MIA2: variants seen among roughly 807,000 people sequenced by gnomAD.
MIA2 encodes the protein MIA SH3 domain ER export factor 2.
In MIA2, 127 loss-of-function variants were observed where a neutral mutation model predicts 167.8. The ratio of observed to expected loss-of-function variants is 0.76; its 90% CI spans 0.66 to 0.88. The LOEUF is 0.88. MIA2 is among the 40% of genes least tolerant of loss of function. The pLI is 0.00. For missense variants in MIA2, 1,690 were observed against 1,624.7 expected, an observed-to-expected ratio of 1.04 and a Z score of -0.69; for synonymous variants, 552 against 541.9, an observed-to-expected ratio of 1.02 and a Z score of -0.26.
chr14:39,364,918 G>T (rs953829067), intron 23 of MIA2, among the ~76,000 whole-genome samples: 4 of 151,926 alleles, frequency 2.6e-5, no homozygotes, highest in African/African-American at 7.3e-5. Context: ...ACTATAATGT[G>T]CTGTGGAGAA....
intron 23 of MIA2, among the ~76,000 whole-genome samples, chr14:39,372,607 A>T (rs2074970331): frequency 6.6e-6 from 1 of 152,230 alleles, no homozygotes; most frequent in Admixed American, 6.5e-5. Context: ...AGTTGAGAAG[A>T]GGAATCTAAG....
At chr14:39,361,937 A>G (rs975493620) in intron 23 of MIA2, among the ~76,000 whole-genome samples, 4 of 152,114 alleles carry the variant, frequency 2.6e-5, no homozygotes, top group Middle Eastern at 3.2e-3. Context: ...ATCTTCGTCT[A>G]TTGAGATGAT....
At chr14:39,246,623 C>T (rs1322114537) in intron 3 of MIA2, among the ~76,000 whole-genome samples, 1 of 152,042 alleles carries the variant, frequency 6.6e-6, no homozygotes, top group East Asian at 1.9e-4. Context: ...TTGTTTGAAT[C>T]CTGGAGTTCA....
At chr14:39,294,793 A>G in intron 12 of MIA2, 132 bp from the exon 13 acceptor site, 1 of 678,186 alleles carries the variant, frequency 1.5e-6, no homozygotes, top group Admixed American at 2.4e-5. Flanking sequence ...TTTCTGCTAC[A>G]CCATGCTGCC....
intron 6 of MIA2, among the ~76,000 whole-genome samples, chr14:39,270,137 T>A (rs1285972025): frequency 6.6e-6 from 1 of 152,096 alleles, no homozygotes. Context: ...ATTTTCTGTT[T>A]TCTTTTGTTT....
At position 39,247,174 on chromosome 14, in the gene MIA2, T is replaced by C. The variant is rs2054353407; in HGVS notation, c.600T>C (p.Val200=). ...TSESKDWEEV[V]VESMEQDRIP... is the part of the protein sequence containing the mutation. ...AATCAAAAGACTGGGAAGAAGTAGT[T>C]GTTGAAAGTATGGAACAGGATCGTA... Residue 200 remains valine, a synonymous_variant, in exon 4 of 29, where the codon GTT becomes GTC. Coordinates refer to ENST00000640607, the MANE Select transcript of MIA2 (RefSeq NM_001329214.4). The C allele has an allele frequency of 6.2e-7, 1 of 1,614,120 alleles. No homozygotes were observed. The highest frequency in any genetic ancestry group is 1.3e-5 in the African/African-American group (1 of 75,040).
chr14:39,383,219 A>G lies in MIA2; in HGVS notation c.2249-3666A>G, dbSNP rs777151805. Among the ~76,000 whole-genome samples, 16 of 152,274 alleles carry G rather than the reference A, an allele frequency of 1.1e-4. No individual in the cohort carries two copies. In the South Asian group the frequency reaches 2.3e-3, roughly 22 times the overall value. ...TGTGGCAACTCTGTTGAGCAAGTCT[A>G]TCAGCACCATTTTCCCAACAGTTTG... On this transcript the variant is annotated intron_variant, in intron 23 of 23. Transcript: ENST00000341502.
At chr14:39,293,689 T>G (rs547754019) in intron 11 of MIA2, among the ~76,000 whole-genome samples, 4 of 152,256 alleles carry the variant, frequency 2.6e-5, no homozygotes, top group African/African-American at 7.2e-5. Flanking sequence ...ACATTAAAAC[T>G]TTTTCTTTTG....
At chr14:39,252,132 A>G (rs2054609479) in intron 4 of MIA2, among the ~76,000 whole-genome samples, 1 of 152,176 alleles carries the variant, frequency 6.6e-6, no homozygotes, top group African/African-American at 2.4e-5. Context: ...AGGAATAAAG[A>G]AAAGGCTATG....
intron 23 of MIA2, among the ~76,000 whole-genome samples, chr14:39,384,531 G>T (rs1437996879): frequency 6.6e-6 from 1 of 152,020 alleles, no homozygotes; most frequent in Non-Finnish European, 1.5e-5. Flanking sequence ...GTTCAATGTG[G>T]TTTTATTTAA....
rs1277044908 is a variant in MIA2 at position 39,288,457 on chromosome 14, A to G, written c.2131-2562A>G. ...CATATATATATATATATATATATAT[A>G]TATATATATATATATATATTTTTTT... On this transcript the variant is annotated intron_variant, in intron 9 of 28. Coordinates refer to ENST00000640607, the MANE Select transcript of MIA2 (RefSeq NM_001329214.4). Among the ~76,000 whole-genome samples the G allele has an allele frequency of 4.8e-4, 8 of 16,580 alleles. 2 individuals are homozygous for G. The highest frequency in any genetic ancestry group is 8.9e-4 in the African/African-American group (6 of 6,748). 10.9% of individuals were successfully genotyped at this position (16,580 alleles called of 152,430 possible).
rs768099235 is a variant in MIA2, at chr14:39,247,190, C to G, written c.616C>G (p.Gln206Glu). ...WEEVVVESME[Q>E]DRIPEVHVPP... ...AGAAGTAGTTGTTGAAAGTATGGAA[C>G]AGGATCGTATTCCAGAAGTGCATGT... is the stretch of plus-strand genomic sequence containing the variant. The change falls in exon 4 of 29, where the codon CAG (glutamine) becomes GAG (glutamate). Residue 206 changes from glutamine to glutamate, a missense_variant. Physicochemically the swap from Gln to Glu is conservative, Grantham distance 29. Transcript: ENST00000640607. The G allele has an allele frequency of 6.2e-7, 1 of 1,614,098 alleles. No individual in the cohort carries two copies.
At chr14:39,304,106 C>A (rs989833087) in intron 16 of MIA2, among the ~76,000 whole-genome samples, 185 bp from the exon 17 acceptor site, 1 of 152,030 alleles carries the variant, frequency 6.6e-6, no homozygotes. Context: ...CAAGCATTGA[C>A]GACTTTGCTG....
At chr14:39,368,601 AT>A (rs111672069) in intron 23 of MIA2, among the ~76,000 whole-genome samples, 39 of 145,596 alleles carry the variant, frequency 2.7e-4, no homozygotes, top group South Asian at 1.9e-3. Flanking sequence ...AATTCTGGGA[AT>A]TTTTTTTTTT....
intron 9 of MIA2, among the ~76,000 whole-genome samples, chr14:39,280,202 G>A (rs1275149249): frequency 2.6e-5 from 4 of 152,000 alleles, no homozygotes; most frequent in Non-Finnish European, 5.9e-5. Context: ...CTTCTATTTT[G>A]TTGGGCTTTT....
downstream of MIA2, among the ~76,000 whole-genome samples, chr14:39,353,679 T>G (rs1410304916): frequency 1.3e-5 from 2 of 152,172 alleles, no homozygotes; most frequent in African/African-American, 4.8e-5. Flanking sequence ...CATTAACTCA[T>G]CATTTACATT....
chr14:39,288,350 T>G (rs960314636), intron 9 of MIA2, among the ~76,000 whole-genome samples: 5 of 150,032 alleles, frequency 3.3e-5, no homozygotes, highest in Non-Finnish European at 7.4e-5. Flanking sequence ...TCTGTGTCAA[T>G]TGGTATGATC....
At chr14:39,263,225 AG>A (rs2055215208) in intron 6 of MIA2, among the ~76,000 whole-genome samples, 2 of 152,190 alleles carry the variant, frequency 1.3e-5, no homozygotes, top group South Asian at 2.1e-4. Context: ...TTTAGCATGA[AG>A]GGCTGTTGAA....
At chr14:39,263,292 G>A (rs2055219667) in intron 6 of MIA2, among the ~76,000 whole-genome samples, 1 of 151,870 alleles carries the variant, frequency 6.6e-6, no homozygotes, top group African/African-American at 2.4e-5. Flanking sequence ...TTTTGTCTTT[G>A]TTTCTGTTTA....
Sources: allele counts gnomAD v4.1 joint callset (sites outside exome capture counted in the v4.1 genomes callset), GRCh38; gene constraint gnomAD v4.1.1; transcripts MANE v1.5; gene names NCBI Gene and HGNC (gene_info 2026-07-23, HGNC 2026-07-21).